The following BAIAP2L1 variants were observed in gnomAD, a reference collection of about 807,000 sequenced individuals.
The protein encoded by BAIAP2L1 is BAR/IMD domain containing adaptor protein 2 like 1.
A neutral mutation model predicts 66.3 loss-of-function variants in BAIAP2L1; 35 were observed. That is an observed-to-expected ratio of 0.53 (90% CI 0.40 to 0.70). BAIAP2L1 has a LOEUF of 0.70. Ranked by LOEUF, BAIAP2L1 falls within the 30% of genes least tolerant of loss-of-function variation. BAIAP2L1 has a pLI of 0.00. For synonymous variants in BAIAP2L1, 269 were observed against 248.7 expected, an observed-to-expected ratio of 1.08 and a Z score of -0.77; for missense variants, 622 against 656.9, an observed-to-expected ratio of 0.95 and a Z score of 0.58.
At chr7:98,322,273 T>G (rs1204374777) in intron 3 of BAIAP2L1, among the ~76,000 whole-genome samples, 2 of 152,114 alleles carry the variant, frequency 1.3e-5, no homozygotes, top group East Asian at 3.8e-4. Context: ...TCTGAAGACA[T>G]CTGAGTCTGA....
Position 98,362,378 on chromosome 7 carries a change from T to C in BAIAP2L1, c.106A>G (p.Asn36Asp). 1 of 1,612,614 alleles carries C rather than the reference T, an allele frequency of 6.2e-7. No individual in the cohort carries two copies. Among genetic ancestry groups the C allele is most frequent in the African/African-American group, 1.3e-5 (1 of 75,012 alleles). ...GLRNLINLGK[N>D]YEKAVNAMIL... is the part of the protein sequence containing the mutation. ...TTACCGTTTACAGCTTTCTCATAAT[T>C]TTTCCCCAGGTTTATTAAATTTCGC... is the stretch of plus-strand genomic sequence containing the variant. The change falls in exon 2 of 14, where the codon AAT (asparagine) becomes GAT (aspartate). Residue 36 changes from asparagine (N) to aspartate (D), a missense_variant. Asn to Asp is a conservative substitution (Grantham distance 23, BLOSUM62 1). Transcript: ENST00000005260.
At chr7:98,353,983 ATAAAATAAAAT>A (rs1418263358) in intron 3 of BAIAP2L1, among the ~76,000 whole-genome samples, 7 of 150,266 alleles carry the variant, frequency 4.7e-5, no homozygotes, top group Admixed American at 1.3e-4. Context: ...ATAAAATAAA[ATAAAATAAAAT>A]AAAATAAAAT....
intron 12 of BAIAP2L1, among the ~76,000 whole-genome samples, chr7:98,295,120 T>G (rs1800132527): frequency 3.9e-5 from 6 of 152,148 alleles, no homozygotes; most frequent in Admixed American, 3.9e-4. Flanking sequence ...CTCTCAAGAT[T>G]GACTTAGGGG....
chr7:98,336,039 G>A (rs537732169), intron 3 of BAIAP2L1, among the ~76,000 whole-genome samples: 46 of 151,892 alleles, frequency 3.0e-4, no homozygotes, highest in African/African-American at 8.5e-4. Flanking sequence ...GTGAATTAAC[G>A]CAGGAACAGA....
At chr7:98,381,668 G>A (rs1350997627) in intron 1 of BAIAP2L1, among the ~76,000 whole-genome samples, 2 of 152,172 alleles carry the variant, frequency 1.3e-5, no homozygotes, top group East Asian at 3.8e-4. Flanking sequence ...ACGCAATCAC[G>A]TTGCTGTGAC....
chr7:98,308,281 G>C, intron 9 of BAIAP2L1: 1 of 468,432 alleles, frequency 2.1e-6, no homozygotes, highest in Non-Finnish European at 4.3e-6. Context: ...GCAGGCTAGG[G>C]CCACAGTTCA....
chr7:98,350,975 G>C (rs961562118), intron 3 of BAIAP2L1, among the ~76,000 whole-genome samples: 1 of 152,104 alleles, frequency 6.6e-6, no homozygotes, highest in African/African-American at 2.4e-5. Context: ...TCCTGTATCA[G>C]CCTCTCAAGT....
At chr7:98,393,028 CATAT>C (rs1269596204) in intron 1 of BAIAP2L1, among the ~76,000 whole-genome samples, 5 of 107,172 alleles carry the variant, frequency 4.7e-5, no homozygotes, top group South Asian at 3.8e-4. Context: ...TACATACACA[CATAT>C]ATATACATAT....
At chr7:98,388,030 G>A (rs761062364) in intron 1 of BAIAP2L1, among the ~76,000 whole-genome samples, 1 of 152,008 alleles carries the variant, frequency 6.6e-6, no homozygotes, top group Non-Finnish European at 1.5e-5. Context: ...TGTAAATAAG[G>A]AGGCAGGTAA....
intron 1 of BAIAP2L1, among the ~76,000 whole-genome samples, chr7:98,365,614 G>C (rs1802374701): frequency 6.6e-6 from 1 of 152,086 alleles, no homozygotes; most frequent in Non-Finnish European, 1.5e-5. Context: ...GCGGGGGGTG[G>C]ATCACAGGCA....
At chr7:98,400,762 G>A (rs1331559557) in intron 1 of BAIAP2L1, 40 bp downstream of exon 1, 3 of 1,546,988 alleles carry the variant, frequency 1.9e-6, no homozygotes, top group Non-Finnish European at 2.6e-6. Context: ...CCCCGAGGTG[G>A]AAAGCCCTGA....
At chr7:98,332,945 C>T (rs1209793263) in intron 3 of BAIAP2L1, among the ~76,000 whole-genome samples, 1 of 152,008 alleles carries the variant, frequency 6.6e-6, no homozygotes, top group Non-Finnish European at 1.5e-5. Flanking sequence ...CAGCCTCATG[C>T]CTTCTGTCTG....
chr7:98,333,600 A>G (rs955634887), intron 3 of BAIAP2L1, among the ~76,000 whole-genome samples: 5 of 151,906 alleles, frequency 3.3e-5, no homozygotes, highest in Admixed American at 1.3e-4. Flanking sequence ...CTCTGTCTCA[A>G]AATAAATAAA....
intron 3 of BAIAP2L1, among the ~76,000 whole-genome samples, chr7:98,347,135 T>C (rs987993176): frequency 2.6e-5 from 4 of 151,612 alleles, no homozygotes; most frequent in Non-Finnish European, 4.4e-5. Flanking sequence ...TATGGCAATT[T>C]GCTAAAGCAT....
chr7:98,367,058 A>T (rs1302705799), intron 1 of BAIAP2L1, among the ~76,000 whole-genome samples: 30 of 144,462 alleles, frequency 2.1e-4, no homozygotes, highest in Admixed American at 1.0e-3. Flanking sequence ...AGGTAATTAA[A>T]TTTTTTTTTT....
chr7:98,291,669 A>G lies in BAIAP2L1; in HGVS notation c.*1852T>C. On this transcript the variant is annotated 3_prime_UTR_variant, in exon 14 of 14. Transcript: ENST00000005260. Reference sequence around the variant, plus strand: ...AGAAAATGTTTTCAAGTTCTGCTTTATTATTAAAGTTGTAATCCCTTGATA... The same window carrying G: ...AGAAAATGTTTTCAAGTTCTGCTTTGTTATTAAAGTTGTAATCCCTTGATA... 2 of 323,356 alleles carry G rather than the reference A, an allele frequency of 6.2e-6. No individual in the cohort carries two copies. The highest frequency in any genetic ancestry group is 9.1e-6 in the Non-Finnish European group (2 of 219,130). 20.0% of individuals were successfully genotyped at this position (323,356 alleles called of 1,614,324 possible).
chr7:98,370,709 G>A (rs998164994), intron 1 of BAIAP2L1, among the ~76,000 whole-genome samples: 3 of 151,836 alleles, frequency 2.0e-5, no homozygotes, highest in Non-Finnish European at 4.4e-5. Flanking sequence ...CACCATGTTA[G>A]CCAGGATGGT....
chr7:98,389,330 T>G (rs1425398189), intron 1 of BAIAP2L1, among the ~76,000 whole-genome samples: 1 of 151,998 alleles, frequency 6.6e-6, no homozygotes, highest in African/African-American at 2.4e-5. Flanking sequence ...TATTTTTTAT[T>G]TTTTTTGAGA....
chr7:98,398,475 T>TTA (rs1554342804), intron 1 of BAIAP2L1, among the ~76,000 whole-genome samples: 2 of 145,192 alleles, frequency 1.4e-5, no homozygotes, highest in Non-Finnish European at 3.0e-5. Context: ...ACCTGGACAT[T>TTA]AAAAAAAAAA....
Sources: gnomAD v4.1 joint callset for allele counts (sites outside exome capture counted in the v4.1 genomes callset) on GRCh38, gnomAD v4.1.1 for gene constraint, MANE v1.5 for transcripts, NCBI Gene and HGNC (gene_info 2026-07-23, HGNC 2026-07-21) for gene names.